Variants in ZNF562 observed in about 807,000 individuals in gnomAD.
The protein encoded by ZNF562 is zinc finger protein 562.
ZNF562 carries 13 observed loss-of-function variants against 17.5 expected under a neutral mutation model. The ratio of observed to expected loss-of-function variants is 0.74; its 90% CI spans 0.48 to 1.18. ZNF562 has a LOEUF of 1.18. Among genes scored for constraint, ZNF562 ranks in the 50% most tolerant of loss-of-function variants. ZNF562 has a pLI of 0.00. For synonymous variants in ZNF562, 163 were observed against 165.4 expected (o/e 0.99, Z 0.11); for missense variants, 481 against 498.5 (o/e 0.96, Z 0.33).
chr19:9,672,777 C>G (rs201468488), intron 1 of ZNF562, among the ~76,000 whole-genome samples: 1 of 112,236 alleles, frequency 8.9e-6, no homozygotes, highest in Non-Finnish European at 1.8e-5. Context: ...TATTGCCTTT[C>G]TTTTTTTTTT....
At chr19:9,670,081 CAA>C (rs202184540) in intron 1 of ZNF562, among the ~76,000 whole-genome samples, 1 of 151,568 alleles carries the variant, frequency 6.6e-6, no homozygotes, top group Non-Finnish European at 1.5e-5. Flanking sequence ...AAGAAACAAA[CAA>C]AAAAACTTAG....
chr19:9,669,750 A>G (rs987650453), intron 1 of ZNF562, among the ~76,000 whole-genome samples: 23 of 149,530 alleles, frequency 1.5e-4, no homozygotes, highest in Non-Finnish European at 2.2e-4. Flanking sequence ...ACACACACAC[A>G]CACACACACA....
At position 9,653,654 on chromosome 19, in the gene ZNF562, AG is replaced by A. The variant is rs760239110; in HGVS notation, c.575del (p.Ala192ValfsTer56). ...TTCCATTGAGAATTTCAAGATGCACAGCAAGGCCTGGAGTTAAGGTGAAGAC... is the reference window on the plus strand; with the variant it reads ...TTCCATTGAGAATTTCAAGATGCACACAAGGCCTGGAGTTAAGGTGAAGAC... ...GKVFTLTPGL[A>X]VHLEILNGRQ... On this transcript the variant is annotated frameshift_variant, in exon 6 of 6. Transcript: ENST00000453372. LOFTEE classifies it low-confidence loss of function (END_TRUNC). 6.2e-7 allele frequency: 1 copy of A among 1,614,066 alleles called. No individual in the cohort carries two copies. The highest frequency in any genetic ancestry group is 1.1e-5 in the South Asian group (1 of 91,080).
chr19:9,669,549 G>T (rs960439412), intron 1 of ZNF562, among the ~76,000 whole-genome samples: 2 of 152,188 alleles, frequency 1.3e-5, no homozygotes, highest in African/African-American at 4.8e-5. Context: ...CAATATTCAG[G>T]TGTGGTGGCT....
At chr19:9,662,004 C>T (rs561689964) in intron 1 of ZNF562, among the ~76,000 whole-genome samples, 2 of 152,124 alleles carry the variant, frequency 1.3e-5, no homozygotes, top group South Asian at 4.2e-4. Flanking sequence ...TCAAACAATC[C>T]TCCCACCTTG....
rs2074779333 is a variant in ZNF562 at position 9,642,561 on chromosome 19, G to A, written c.*10388C>T. ...CACATTGTTGGCATTACAACTGTGA[G>A]CCACTCTGCTTGGCCCTTTATTCTT... On this transcript the variant is annotated 3_prime_UTR_variant, in exon 6 of 6. Coordinates refer to ENST00000453372, the MANE Select transcript of ZNF562 (RefSeq NM_001130031.2). 1 of 151,984 alleles carries A rather than the reference G, an allele frequency of 6.6e-6. No homozygotes were observed. Among genetic ancestry groups the A allele is most frequent in the Non-Finnish European group, 1.5e-5 (1 of 68,014 alleles). 9.4% of individuals were successfully genotyped at this position (151,984 alleles called of 1,614,324 possible).
Position 9,650,842 on chromosome 19 carries a change from A to G in ZNF562, c.*2107T>C, listed in dbSNP as rs965162927. 1.3e-5 allele frequency: 2 copies of G among 151,280 alleles called. No homozygotes were observed. Among genetic ancestry groups the G allele is most frequent in the Non-Finnish European group, 2.9e-5 (2 of 67,986 alleles). The allele number at this position is 151,280 out of a possible 1,614,324, so 9.4% of individuals were successfully genotyped here. A position where few individuals can be genotyped will look rare whatever the true frequency, so the allele number is the denominator to read the frequency against. ...GTTTGTGGTGCATGCCAATAATCCCAGCTACTGAGGGTGAGGCAGGAGAAT... is the reference window on the plus strand; with the variant it reads ...GTTTGTGGTGCATGCCAATAATCCCGGCTACTGAGGGTGAGGCAGGAGAAT... On this transcript the variant is annotated 3_prime_UTR_variant, in exon 6 of 6. Transcript: ENST00000453372.
intron 1 of ZNF562, among the ~76,000 whole-genome samples, chr19:9,666,063 G>A (rs1179168767): frequency 6.6e-6 from 1 of 151,198 alleles, no homozygotes; most frequent in Non-Finnish European, 1.5e-5. Flanking sequence ...TATGGCTCAT[G>A]CCTGTAATCC....
At chr19:9,654,992 G>T (rs992284662) in intron 5 of ZNF562, among the ~76,000 whole-genome samples, 14 of 151,388 alleles carry the variant, frequency 9.2e-5, no homozygotes, top group African/African-American at 2.9e-4. Flanking sequence ...GTCTTTTTTT[G>T]ATTGTTGGGG....
chr19:9,655,853 C>T (rs573371750), intron 5 of ZNF562, among the ~76,000 whole-genome samples: 16 of 149,720 alleles, frequency 1.1e-4, no homozygotes, highest in South Asian at 6.3e-4. Context: ...CTGCCTCAGC[C>T]GCCCGAGTAA....
In ZNF562 at chr19:9,653,734, G is replaced by T; in HGVS notation, c.496C>A (p.His166Asn). The T allele has an allele frequency of 6.2e-7, 1 of 1,614,068 alleles. No individual in the cohort carries two copies. The highest frequency in any genetic ancestry group is 8.5e-7 in the Non-Finnish European group (1 of 1,179,970). Residue 166 changes from histidine to asparagine, a missense_variant, in exon 6 of 6, where the codon CAC (histidine) becomes AAC (asparagine). By Grantham distance (68) the His-to-Asn change is moderately conservative. This residue lies in a region of ZNF562 where 403 missense variants were observed against 386.4 expected (regional missense o/e 1.04). Coordinates refer to ENST00000453372, the MANE Select transcript of ZNF562 (RefSeq NM_001130031.2). ...NCYGKDSISV[H>N]KEASIGQELS... ...TCTTGTCCAATAGAGGCTTCCTTGT[G>T]CACACTGATGCTGTCTTTTCCATAA...
At position 9,658,044 on chromosome 19, in the gene ZNF562, A is replaced by G; in HGVS notation, c.206T>C (p.Val69Ala). ...CAGGTTCATGTAGTTCTCCAGCATC[A>G]CATCTCTGTAGAGGTATTTCTGAGT... ...DTTQKYLYRD[V>A]MLENYMNLAS... The change falls in exon 4 of 6, where the codon GTG (valine) becomes GCG (alanine). Residue 69 changes from valine (V) to alanine (A), a missense_variant. Physicochemically the swap from Val to Ala is moderately conservative, Grantham distance 64. This residue lies in a region of ZNF562 where 403 missense variants were observed against 386.4 expected (regional missense o/e 1.04). Transcript: ENST00000453372. 6.2e-7 allele frequency: 1 copy of G among 1,613,456 alleles called. No homozygotes were observed. Among genetic ancestry groups the G allele is most frequent in the South Asian group, 1.1e-5 (1 of 90,906 alleles).
At chr19:9,673,694 G>A (rs767928599) in intron 1 of ZNF562, among the ~76,000 whole-genome samples, 12 of 152,114 alleles carry the variant, frequency 7.9e-5, no homozygotes, top group African/African-American at 1.7e-4. Flanking sequence ...GTCTACACGC[G>A]TTCATATTTA....
In ZNF562 at chr19:9,652,718, G is replaced by A. The variant is rs1599263629; in HGVS notation, c.*231C>T. The A allele has an allele frequency of 2.7e-6, 1 of 374,942 alleles. No individual in the cohort carries two copies. The highest frequency in any genetic ancestry group is 4.3e-5 in the East Asian group (1 of 23,212). The allele number at this position is 374,942 out of a possible 1,614,324, so 23.2% of individuals were successfully genotyped here. A position where few individuals can be genotyped will look rare whatever the true frequency, so the allele number is the denominator to read the frequency against. Reference sequence around the variant, plus strand: ...AAAAGGCATTTAGGACTAATCTGATGATCTTTGCACTGCCAATAATTAAAG... The same window carrying A: ...AAAAGGCATTTAGGACTAATCTGATAATCTTTGCACTGCCAATAATTAAAG... On this transcript the variant is annotated 3_prime_UTR_variant, in exon 6 of 6. Transcript: ENST00000453372.
chr19:9,648,310 T>C lies in ZNF562; in HGVS notation c.*4639A>G, dbSNP rs543216852. 1.3e-5 allele frequency: 2 copies of C among 152,336 alleles called. No homozygotes were observed. Among genetic ancestry groups the C allele is most frequent in the African/African-American group, 4.8e-5 (2 of 41,576 alleles). The allele number at this position is 152,336 out of a possible 1,614,324, so 9.4% of individuals were successfully genotyped here. Reference sequence around the variant, plus strand: ...CAAATACCACATTTATTTAATTTAATTTATTTATTTTTGACAGAGTCGCAC... The same window carrying C: ...CAAATACCACATTTATTTAATTTAACTTATTTATTTTTGACAGAGTCGCAC... On this transcript the variant is annotated 3_prime_UTR_variant, in exon 6 of 6. Coordinates refer to ENST00000453372, the MANE Select transcript of ZNF562 (RefSeq NM_001130031.2).
intron 5 of ZNF562, 146 bp from the exon 6 acceptor site, chr19:9,654,027 A>G (rs1356010017): frequency 1.4e-5 from 14 of 984,588 alleles, no homozygotes; most frequent in East Asian, 2.9e-5. Context: ...GTCTTGTTCT[A>G]TCTCCCAGTC....
intron 3 of ZNF562, 138 bp downstream of exon 3, chr19:9,659,241 T>C: frequency 1.3e-6 from 1 of 750,876 alleles, no homozygotes; most frequent in Non-Finnish European, 2.2e-6. Flanking sequence ...CCTGGGGAAA[T>C]TCACCTGGGG....
At position 9,652,143 on chromosome 19, in the gene ZNF562, G is replaced by C. The variant is rs1338308893; in HGVS notation, c.*806C>G. On this transcript the variant is annotated 3_prime_UTR_variant, in exon 6 of 6. Transcript: ENST00000453372. ...CTATATCAGCCATCTTAACAGAAGT[G>C]AGAAGAGAGACTGGATTATACTATA... is the stretch of plus-strand genomic sequence containing the variant. 1.3e-5 allele frequency: 2 copies of C among 152,236 alleles called. No individual in the cohort carries two copies. Among genetic ancestry groups the C allele is most frequent in the Non-Finnish European group, 2.9e-5 (2 of 68,050 alleles). 9.4% of individuals were successfully genotyped at this position (152,236 alleles called of 1,614,324 possible). A position where few individuals can be genotyped will look rare whatever the true frequency, so the allele number is the denominator to read the frequency against.
chr19:9,649,217 CT>C lies in ZNF562; in HGVS notation c.*3731del, dbSNP rs1335551904. On this transcript the variant is annotated 3_prime_UTR_variant, in exon 6 of 6. Transcript: ENST00000453372. ...TACCCTTGTGATTTCCTATGCCTGT[CT>C]TTACTTTAATCTCTCAATCCTGTCA... 9 of 152,236 alleles carry C rather than the reference CT, an allele frequency of 5.9e-5. No individual in the cohort carries two copies. The highest frequency in any genetic ancestry group is 2.2e-4 in the African/African-American group (9 of 41,572). The allele number at this position is 152,236 out of a possible 1,614,324, so 9.4% of individuals were successfully genotyped here.
Sources: gnomAD v4.1 joint callset for allele counts (sites outside exome capture counted in the v4.1 genomes callset) on GRCh38, gnomAD v4.1.1 for gene constraint, gnomAD v4.1.1 regional missense constraint, MANE v1.5 for transcripts, NCBI Gene and HGNC (gene_info 2026-07-23, HGNC 2026-07-21) for gene names.